The following CXCL16 variants were observed in gnomAD, a reference collection of about 807,000 sequenced individuals.
The protein encoded by CXCL16 is C-X-C motif chemokine ligand 16.
A neutral mutation model predicts 23.8 loss-of-function variants in CXCL16; 18 were observed. The ratio of observed to expected loss-of-function variants is 0.76; its 90% CI spans 0.52 to 1.12. The LOEUF (loss-of-function observed/expected upper bound fraction) is 1.12. Ranked by LOEUF, CXCL16 falls within the 50% of genes most tolerant of loss-of-function variation. CXCL16 has a pLI of 0.00. For synonymous variants in CXCL16, 123 were observed against 132.5 expected, an observed-to-expected ratio of 0.93 and a Z score of 0.49; for missense variants, 297 against 315.4, an observed-to-expected ratio of 0.94 and a Z score of 0.44.
chr17:4,735,101 A>G lies in CXCL16; in HGVS notation c.709T>C (p.Ser237Pro). Reference sequence around the variant, plus strand: ...CAAAGGTCCAGTTTACCTGGAGAGGACTGCGGTGACTGCCCCCTCCTCCTC... The same window carrying G: ...CAAAGGTCCAGTTTACCTGGAGAGGGCTGCGGTGACTGCCCCCTCCTCCTC... Reference protein sequence around the residue: ...CKRRRGQSPQSSPDLPVHYIP... With the variant: ...CKRRRGQSPQPSPDLPVHYIP... Residue 237 changes from serine to proline, a missense_variant, in exon 4 of 6, where the codon TCC becomes CCC. Coordinates refer to ENST00000293778, the MANE Select transcript of CXCL16 (RefSeq NM_001386809.1). 5.0e-6 allele frequency: 8 copies of G among 1,608,372 alleles called. No individual in the cohort carries two copies. In the South Asian group the frequency reaches 8.8e-5, roughly 18 times the overall value.
chr17:4,737,298 C>A (rs1916180722), intron 3 of CXCL16, among the ~76,000 whole-genome samples: 1 of 151,668 alleles, frequency 6.6e-6, no homozygotes, highest in Non-Finnish European at 1.5e-5. Flanking sequence ...CATCAAGAGG[C>A]CGGGCACTGC....
intron 3 of CXCL16, among the ~76,000 whole-genome samples, chr17:4,735,909 A>T (rs1317417380): frequency 1.3e-5 from 2 of 152,266 alleles, no homozygotes; most frequent in East Asian, 3.9e-4. Flanking sequence ...CCCAGTCTCT[A>T]CTAAAAATAC....
rs1272423606 is a variant in CXCL16 at position 4,739,903 on chromosome 17, G to T, written c.-564C>A. ...CCGCCAGCCCCGGCCGCGCGCACCT[G>T]CGGGGCAGCCACCCGCGGACGCACC... On this transcript the variant is annotated 5_prime_UTR_variant, in exon 1 of 6. Coordinates refer to ENST00000293778, the MANE Select transcript of CXCL16 (RefSeq NM_001386809.1). This position sits in a 1 kb window ranked among gnomAD's most constrained non-coding sequence, Gnocchi z 5.3. The T allele has an allele frequency of 1.6e-5, 16 of 985,312 alleles. No homozygotes were observed. The South Asian group carries it at 4.2e-4, about 26-fold the overall frequency. The allele number at this position is 985,312 out of a possible 1,614,324, so 61.0% of individuals were successfully genotyped here. A position where few individuals can be genotyped will look rare whatever the true frequency, so the allele number is the denominator to read the frequency against.
At position 4,738,941 on chromosome 17, in the gene CXCL16, C is replaced by G; in HGVS notation, c.80-21G>C. The stretch of plus-strand genomic sequence containing the variant: ...ATTGCCTGCGCGGGACGGAGGTGGT[C>G]GGCACCCATTCCCAGGCCCAGGGTC... On this transcript the variant is annotated intron_variant, in intron 1 of 5. Coordinates refer to ENST00000293778, the MANE Select transcript of CXCL16 (RefSeq NM_001386809.1). The surrounding 1 kb of genome is among the most constrained non-coding windows in gnomAD (Gnocchi z 4.0). 1.2e-6 allele frequency: 2 copies of G among 1,611,408 alleles called. No individual in the cohort carries two copies. Among genetic ancestry groups the G allele is most frequent in the Non-Finnish European group, 1.7e-6 (2 of 1,178,636 alleles).
chr17:4,738,716 G>T lies in CXCL16; in HGVS notation c.218+66C>A. 1.3e-6 allele frequency: 2 copies of T among 1,528,500 alleles called. No individual in the cohort carries two copies. The highest frequency in any genetic ancestry group is 2.3e-5 in the South Asian group (2 of 86,716). 94.7% of individuals were successfully genotyped at this position (1,528,500 alleles called of 1,614,324 possible). A position where few individuals can be genotyped will look rare whatever the true frequency, so the allele number is the denominator to read the frequency against. ...AAGGAGTTCAGGCTGGACCAGAGAG[G>T]GTCCTGGAGGCACCTGCAAGGAGGG... On this transcript the variant is annotated intron_variant, in intron 2 of 5. Coordinates refer to ENST00000293778, the MANE Select transcript of CXCL16 (RefSeq NM_001386809.1). The surrounding 1 kb of genome is among the most constrained non-coding windows in gnomAD (Gnocchi z 4.0).
Position 4,735,417 on chromosome 17 carries a change from A to G in CXCL16, c.393T>C (p.Ser131=). ...PPISQASEGA[S]SDIHTPAQML... is the part of the protein sequence containing the mutation. ...TCTGGGCAGGGGTGTGGATATCTGA[A>G]GATGCCCCCTCTGAGGCCTGAGAAA... is the stretch of plus-strand genomic sequence containing the variant. The change falls in exon 4 of 6, where the codon TCT becomes TCC. Residue 131 remains serine, a synonymous_variant. Transcript: ENST00000293778. The G allele has an allele frequency of 6.5e-7, 1 of 1,538,872 alleles. No individual in the cohort carries two copies. The highest frequency in any genetic ancestry group is 1.4e-5 in the African/African-American group (1 of 73,028).
chr17:4,735,300 G>T lies in CXCL16; in HGVS notation c.510C>A (p.Thr170=). The T allele has an allele frequency of 6.2e-7, 1 of 1,614,104 alleles. No homozygotes were observed. Among genetic ancestry groups the T allele is most frequent in the East Asian group, 2.2e-5 (1 of 44,886 alleles). The part of the protein sequence containing the change: ...SDKELTRPNE[T]TIHTAGHSLA... ...GACTGTGGCCCGCAGTGTGAATGGT[G>T]GTTTCATTGGGACGAGTGAGCTCTT... Residue 170 remains threonine (T), a synonymous_variant, in exon 4 of 6, where the codon ACC becomes ACA. Transcript: ENST00000293778.
Position 4,739,042 on chromosome 17 carries a change from G to A in CXCL16, c.80-122C>T. On this transcript the variant is annotated intron_variant, in intron 1 of 5. Transcript: ENST00000293778. The surrounding 1 kb of genome is among the most constrained non-coding windows in gnomAD (Gnocchi z 5.3). ...CGGTGGACCCAGGGTCAGAGCGCCA[G>A]GCTCAACCCACACATCATCACGCCC... 2 of 1,316,326 alleles carry A rather than the reference G, an allele frequency of 1.5e-6. No individual in the cohort carries two copies. Among genetic ancestry groups the A allele is most frequent in the African/African-American group, 1.5e-5 (1 of 67,836 alleles). 81.5% of individuals were successfully genotyped at this position (1,316,326 alleles called of 1,614,324 possible).
Position 4,739,443 on chromosome 17 carries a change from G to C in CXCL16, c.-104C>G. The C allele has an allele frequency of 6.4e-7, 1 of 1,560,896 alleles. No homozygotes were observed. The highest frequency in any genetic ancestry group is 8.7e-7 in the Non-Finnish European group (1 of 1,143,866). ...CTGGTGTCTCAATGGCTTTCGCCGGGGACCGGAGGAGACGGCGGCCGGAGA... is the reference window on the plus strand; with the variant it reads ...CTGGTGTCTCAATGGCTTTCGCCGGCGACCGGAGGAGACGGCGGCCGGAGA... On this transcript the variant is annotated 5_prime_UTR_variant, in exon 1 of 6. Coordinates refer to ENST00000293778, the MANE Select transcript of CXCL16 (RefSeq NM_001386809.1). The surrounding 1 kb of genome is among the most constrained non-coding windows in gnomAD (Gnocchi z 5.3).
chr17:4,735,334 G>A lies in CXCL16; in HGVS notation c.476C>T (p.Ser159Phe). ...GGGACGAGTGAGCTCTTTGTCCGAG[G>A]ACAGTGATCCTACTGGGAGGGTGGG... is the stretch of plus-strand genomic sequence containing the variant. ...QRPTLPVGSL[S>F]SDKELTRPNE... The change falls in exon 4 of 6, where the codon TCC (serine) becomes TTC (phenylalanine). Residue 159 changes from serine (S) to phenylalanine (F), a missense_variant. Ser to Phe is a radical substitution (Grantham distance 155). Coordinates refer to ENST00000293778, the MANE Select transcript of CXCL16 (RefSeq NM_001386809.1). 6.2e-7 allele frequency: 1 copy of A among 1,611,006 alleles called. No homozygotes were observed. The highest frequency in any genetic ancestry group is 8.5e-7 in the Non-Finnish European group (1 of 1,177,852).
Position 4,738,745 on chromosome 17 carries a change from G to A in CXCL16, c.218+37C>T. ...CTGGAGGCACCTGCAAGGAGGGGCC[G>A]CCCAGGCGCTGCCCTCGCAGAGGCA... On this transcript the variant is annotated intron_variant, in intron 2 of 5. Transcript: ENST00000293778. This position sits in a 1 kb window ranked among gnomAD's most constrained non-coding sequence, Gnocchi z 4.0. 1 of 1,607,548 alleles carries A rather than the reference G, an allele frequency of 6.2e-7. No individual in the cohort carries two copies. Among genetic ancestry groups the A allele is most frequent in the Non-Finnish European group, 8.5e-7 (1 of 1,175,744 alleles).
chr17:4,739,137 G>T lies in CXCL16; in HGVS notation c.79+124C>A. 1 of 1,347,638 alleles carries T rather than the reference G, an allele frequency of 7.4e-7. No homozygotes were observed. The highest frequency in any genetic ancestry group is 1.0e-6 in the Non-Finnish European group (1 of 987,474). The allele number at this position is 1,347,638 out of a possible 1,614,324, so 83.5% of individuals were successfully genotyped here. A position where few individuals can be genotyped will look rare whatever the true frequency, so the allele number is the denominator to read the frequency against. ...CTCTGTCCCCAACCCCAGGCGGCTGGCTGGCTTTCCTCTTGTCCCCGCTGC... is the reference window on the plus strand; with the variant it reads ...CTCTGTCCCCAACCCCAGGCGGCTGTCTGGCTTTCCTCTTGTCCCCGCTGC... On this transcript the variant is annotated intron_variant, in intron 1 of 5. Transcript: ENST00000293778. This position sits in a 1 kb window ranked among gnomAD's most constrained non-coding sequence, Gnocchi z 5.3.
chr17:4,738,620 G>C lies in CXCL16; in HGVS notation c.219-130C>G. ...CTGGGACTGGGAAACTCCCCAGTAG[G>C]TGAGACGGAGTCATGAAGTTTCGGG... On this transcript the variant is annotated intron_variant, in intron 2 of 5. Transcript: ENST00000293778. This position sits in a 1 kb window ranked among gnomAD's most constrained non-coding sequence, Gnocchi z 4.0. The C allele has an allele frequency of 1.0e-6, 1 of 980,682 alleles. No homozygotes were observed. Among genetic ancestry groups the C allele is most frequent in the African/African-American group, 1.6e-5 (1 of 61,572 alleles). 60.7% of individuals were successfully genotyped at this position (980,682 alleles called of 1,614,324 possible).
chr17:4,734,934 A>C (rs1916105203), intron 4 of CXCL16, among the ~76,000 whole-genome samples, 158 bp downstream of exon 4: 2 of 152,098 alleles, frequency 1.3e-5, no homozygotes, highest in Non-Finnish European at 2.9e-5. Context: ...ACAGTCCCCG[A>C]CTGACTGTCC....
intron 3 of CXCL16, among the ~76,000 whole-genome samples, chr17:4,737,769 G>A (rs1270575539): frequency 6.6e-6 from 1 of 150,950 alleles, no homozygotes; most frequent in Non-Finnish European, 1.5e-5. Flanking sequence ...CTAGGTGGAG[G>A]CACTGGATAT....
rs1597497565 is a variant in CXCL16 at position 4,734,386 on chromosome 17, T to G, written c.*117A>C. On this transcript the variant is annotated 3_prime_UTR_variant, in exon 6 of 6. Transcript: ENST00000293778. ...ATACGTGTAGGCTGGATGTGGTAGG[T>G]GACGCCTATAATCCTCGCACCTTCA... is the stretch of plus-strand genomic sequence containing the variant. 2.2e-6 allele frequency: 1 copy of G among 464,884 alleles called. No individual in the cohort carries two copies. The allele number at this position is 464,884 out of a possible 1,614,324, so 28.8% of individuals were successfully genotyped here. A position where few individuals can be genotyped will look rare whatever the true frequency, so the allele number is the denominator to read the frequency against.
In CXCL16 at chr17:4,739,810, C is replaced by G. The variant is rs1337545664; in HGVS notation, c.-471G>C. On this transcript the variant is annotated 5_prime_UTR_variant, in exon 1 of 6. Transcript: ENST00000293778. The surrounding 1 kb of genome is among the most constrained non-coding windows in gnomAD (Gnocchi z 5.3). ...CCTCCTCCGAGGCACTTTCACTTCCCCGATCCGGGCGCCGCGGGACCCAGC... is the reference window on the plus strand; with the variant it reads ...CCTCCTCCGAGGCACTTTCACTTCCGCGATCCGGGCGCCGCGGGACCCAGC... 2.0e-6 allele frequency: 2 copies of G among 997,828 alleles called. No homozygotes were observed. Among genetic ancestry groups the G allele is most frequent in the East Asian group, 2.2e-4 (2 of 9,218 alleles). 61.8% of individuals were successfully genotyped at this position (997,828 alleles called of 1,614,324 possible).
chr17:4,735,066 G>T lies in CXCL16; in HGVS notation c.718+26C>A, dbSNP rs772830201. The T allele has an allele frequency of 4.4e-6, 7 of 1,583,402 alleles. No homozygotes were observed. The Admixed American group carries it at 1.2e-4, about 27-fold the overall frequency. ...TGTCAGGAAGGCTCTGGGTCCCTGG[G>T]GGGAGGGTTCAAAGGTCCAGTTTAC... On this transcript the variant is annotated intron_variant, in intron 4 of 5. Transcript: ENST00000293778.
Position 4,738,727 on chromosome 17 carries a change from C to A in CXCL16, c.218+55G>T. On this transcript the variant is annotated intron_variant, in intron 2 of 5. Coordinates refer to ENST00000293778, the MANE Select transcript of CXCL16 (RefSeq NM_001386809.1). This position sits in a 1 kb window ranked among gnomAD's most constrained non-coding sequence, Gnocchi z 4.0. ...GCTGGACCAGAGAGGGTCCTGGAGGCACCTGCAAGGAGGGGCCGCCCAGGC... is the reference window on the plus strand; with the variant it reads ...GCTGGACCAGAGAGGGTCCTGGAGGAACCTGCAAGGAGGGGCCGCCCAGGC... 6.3e-7 allele frequency: 1 copy of A among 1,581,432 alleles called. No homozygotes were observed. The highest frequency in any genetic ancestry group is 8.7e-7 in the Non-Finnish European group (1 of 1,155,362).
Sources: gnomAD v4.1 joint callset for allele counts (sites outside exome capture counted in the v4.1 genomes callset) on GRCh38, gnomAD v4.1.1 for gene constraint, Gnocchi (gnomAD v3.1) non-coding constraint, MANE v1.5 for transcripts, NCBI Gene and HGNC (gene_info 2026-07-23, HGNC 2026-07-21) for gene names.